The following DLC1 variants were observed in gnomAD, a reference collection of about 807,000 sequenced individuals.
The protein encoded by DLC1 is DLC1 Rho GTPase activating protein.
Under a neutral mutation model 140.3 loss-of-function variants are expected in DLC1, and 54 were observed. That is an observed-to-expected ratio of 0.38 (90% CI 0.31 to 0.48). The LOEUF (loss-of-function observed/expected upper bound fraction) is 0.48. Among genes scored for constraint, DLC1 ranks in the 20% least tolerant of loss-of-function variants. The pLI is 0.96. For synonymous variants in DLC1, 986 were observed against 728.1 expected (o/e 1.35, Z -5.70); for missense variants, 2,536 against 1,907.0 (o/e 1.33, Z -6.14).
chr8:13,199,145 C>T (rs1011404738), intron 5 of DLC1, among the ~76,000 whole-genome samples: 3 of 148,632 alleles, frequency 2.0e-5, no homozygotes, highest in South Asian at 4.3e-4. Context: ...AAAAATACCT[C>T]TAAACACTAG....
chr8:13,452,464 C>A (rs548344346), intron 2 of DLC1, among the ~76,000 whole-genome samples: 3 of 152,224 alleles, frequency 2.0e-5, no homozygotes, highest in African/African-American at 7.2e-5. Context: ...ATGCCCAAAT[C>A]TATAATGAGA....
intron 16 of DLC1, among the ~76,000 whole-genome samples, chr8:13,087,986 G>A (rs1355360074): frequency 6.6e-6 from 1 of 152,208 alleles, no homozygotes; most frequent in African/African-American, 2.4e-5. Context: ...TTACCAAAGA[G>A]TTCAGACCAT....
intron 2 of DLC1, among the ~76,000 whole-genome samples, chr8:13,446,281 C>T (rs561032264): frequency 2.0e-5 from 3 of 152,268 alleles, no homozygotes; most frequent in South Asian, 2.1e-4. Flanking sequence ...GCAAAATTGT[C>T]GCAAAATTTA....
chr8:13,603,962 A>G (rs1805967610), intron 1 of DLC1, among the ~76,000 whole-genome samples: 1 of 152,146 alleles, frequency 6.6e-6, no homozygotes. Flanking sequence ...AGAAAAGGTA[A>G]ATGGTGTACT....
intron 5 of DLC1, among the ~76,000 whole-genome samples, chr8:13,303,404 G>A (rs562244527): frequency 1.3e-5 from 2 of 152,286 alleles, no homozygotes; most frequent in East Asian, 3.9e-4. Flanking sequence ...AGGAGGGACA[G>A]TTGATTTCAT....
chr8:13,148,779 G>T lies in DLC1; in HGVS notation c.1349-33122C>A, dbSNP rs142152372. ...AGCAAACACCTAGCTGGCCAGTAAT[G>T]AGGTGATAATTTTTTCTTTTTTATT... On this transcript the variant is annotated intron_variant, in intron 5 of 17. Coordinates refer to ENST00000276297, the MANE Select transcript of DLC1 (RefSeq NM_182643.3). 3.9e-5 allele frequency among the ~76,000 whole-genome samples: 6 copies of T among 152,190 alleles called. No individual in the cohort carries two copies. The South Asian group carries it at 1.2e-3, about 32-fold the overall frequency.
intron 4 of DLC1, among the ~76,000 whole-genome samples, chr8:13,318,067 AC>A (rs1445445103): frequency 6.6e-6 from 1 of 152,054 alleles, no homozygotes; most frequent in African/African-American, 2.4e-5. Context: ...TTTTTGTGTT[AC>A]CCAGGATGGA....
At chr8:13,375,134 T>G (rs1284382783) in intron 4 of DLC1, among the ~76,000 whole-genome samples, 2 of 151,724 alleles carry the variant, frequency 1.3e-5, no homozygotes, top group African/African-American at 2.4e-5. Context: ...TTCACGCCAT[T>G]CTCCTGCCTT....
intron 1 of DLC1, among the ~76,000 whole-genome samples, chr8:13,580,484 G>T (rs1050986248): frequency 4.6e-5 from 7 of 152,186 alleles, no homozygotes; most frequent in African/African-American, 1.4e-4. Context: ...AAGCTTGCCA[G>T]AAGGGGGCAC....
intron 5 of DLC1, among the ~76,000 whole-genome samples, chr8:13,299,897 C>A (rs562428078): frequency 1.2e-4 from 19 of 152,210 alleles, no homozygotes; most frequent in Admixed American, 3.9e-4. Flanking sequence ...GATTTTGAAC[C>A]AGAAATGCCA....
At chr8:13,500,408 C>A (rs931280657) in intron 1 of DLC1, among the ~76,000 whole-genome samples, 3 of 152,114 alleles carry the variant, frequency 2.0e-5, no homozygotes, top group African/African-American at 7.2e-5. Flanking sequence ...ATCAGCAATA[C>A]TTTTAAAGGC....
At chr8:13,131,796 A>G (rs1351139685) in intron 5 of DLC1, among the ~76,000 whole-genome samples, 1 of 152,168 alleles carries the variant, frequency 6.6e-6, no homozygotes, top group African/African-American at 2.4e-5. Flanking sequence ...GTCACTGCCC[A>G]AGTTCGCCCA....
intron 10 of DLC1, among the ~76,000 whole-genome samples, chr8:13,096,552 C>T (rs907980252): frequency 4.0e-5 from 6 of 151,714 alleles, no homozygotes; most frequent in South Asian, 2.1e-4. Context: ...AGCCCGACGG[C>T]GGAATGTGAA....
At chr8:13,243,552 A>G (rs947166560) in intron 5 of DLC1, among the ~76,000 whole-genome samples, 6 of 152,124 alleles carry the variant, frequency 3.9e-5, no homozygotes, top group African/African-American at 1.4e-4. Context: ...AGTACAAGGA[A>G]AGGGTTTGTT....
rs146462979 is a variant in DLC1, at chr8:13,086,435, C to T, written c.4321G>A (p.Ala1441Thr). ...ACAGAGGTTAGTAAAAGGGCACAGG[C>T]TCCTTTGGGTAAATTAGTCCTCCAG... Reference protein sequence around the residue: ...RTWRTNLPKGACALLLTSVDH... With the variant: ...RTWRTNLPKGTCALLLTSVDH... The change falls in exon 17 of 18, where the codon GCC becomes ACC. Residue 1441 changes from alanine to threonine, a missense_variant. By Grantham distance (58) the Ala-to-Thr change is moderately conservative. Coordinates refer to ENST00000276297, the MANE Select transcript of DLC1 (RefSeq NM_182643.3). The T allele has an allele frequency of 1.2e-6, 2 of 1,614,102 alleles. No homozygotes were observed. The highest frequency in any genetic ancestry group is 2.7e-5 in the African/African-American group (2 of 74,952).
At chr8:13,315,408 C>A (rs1259036701) in intron 4 of DLC1, among the ~76,000 whole-genome samples, 2 of 152,234 alleles carry the variant, frequency 1.3e-5, no homozygotes, top group East Asian at 3.8e-4. Flanking sequence ...TATAAACATT[C>A]TGCTCTTTGA....
At chr8:13,547,326 G>T (rs12541022) in intron 1 of DLC1, among the ~76,000 whole-genome samples, 83,586 of 151,704 alleles carry the variant, frequency 0.55, 23,303 homozygotes, top group Admixed American at 0.62. Context: ...TCAAATGACC[G>T]TCATATAGAC....
chr8:13,119,548 G>A (rs1820858823), intron 5 of DLC1, among the ~76,000 whole-genome samples: 1 of 152,168 alleles, frequency 6.6e-6, no homozygotes, highest in Non-Finnish European at 1.5e-5. Context: ...AAGCGCTAGT[G>A]CATATTAGTT....
In DLC1 at chr8:13,567,499, G is replaced by C. The variant is rs543203990; in HGVS notation, c.-126+37038C>G. The stretch of plus-strand genomic sequence containing the variant: ...AGATGCCTTTAGTTGTACTGTACCC[G>C]ATGAACTTTTGAACAGAATCTACTT... On this transcript the variant is annotated intron_variant, in intron 1 of 1. Transcript: ENST00000631382. 5 of 1,551,896 alleles carry C rather than the reference G, an allele frequency of 3.2e-6. No homozygotes were observed. In the Admixed American group the frequency reaches 9.8e-5, roughly 30 times the overall value.
Sources: allele counts gnomAD v4.1 joint callset (sites outside exome capture counted in the v4.1 genomes callset), GRCh38; gene constraint gnomAD v4.1.1; transcripts MANE v1.5; gene names NCBI Gene and HGNC (gene_info 2026-07-23, HGNC 2026-07-21).